Variants in PEPD observed in about 807,000 individuals in gnomAD.
PEPD encodes the protein peptidase D.
In PEPD, 53 loss-of-function variants were observed where a neutral mutation model predicts 60.7. That is an observed-to-expected ratio of 0.87 (90% CI 0.70 to 1.10). PEPD has a LOEUF of 1.10. PEPD is among the 50% of genes least tolerant of loss of function. PEPD has a pLI of 0.00. For synonymous variants in PEPD, 267 were observed against 284.1 expected, an observed-to-expected ratio of 0.94 and a Z score of 0.60; for missense variants, 711 against 711.9, an observed-to-expected ratio of 1.00 and a Z score of 0.01.
chr19:33,519,895 A>G (rs1971099391), intron 1 of PEPD, among the ~76,000 whole-genome samples: 1 of 152,010 alleles, frequency 6.6e-6, no homozygotes, highest in South Asian at 2.1e-4. Flanking sequence ...GTGAAACCCC[A>G]TCTCCACTAA....
intron 1 of PEPD, among the ~76,000 whole-genome samples, chr19:33,515,205 G>A (rs1405413122): frequency 6.6e-6 from 1 of 152,170 alleles, no homozygotes; most frequent in African/African-American, 2.4e-5. Context: ...CACAGCTGTG[G>A]GATGAGAAGA....
At chr19:33,476,673 AT>A (rs930657873) in intron 7 of PEPD, among the ~76,000 whole-genome samples, 1 of 151,494 alleles carries the variant, frequency 6.6e-6, no homozygotes, top group African/African-American at 2.4e-5. Context: ...TTTTTATTTT[AT>A]TTTTTTTGAG....
chr19:33,498,943 C>T (rs1312245992), intron 4 of PEPD, among the ~76,000 whole-genome samples: 3 of 152,174 alleles, frequency 2.0e-5, no homozygotes, highest in Non-Finnish European at 4.4e-5. Flanking sequence ...CCAGGTTTCA[C>T]ATCGAAGAGA....
chr19:33,485,506 A>C (rs951035409), intron 6 of PEPD, among the ~76,000 whole-genome samples: 4 of 151,836 alleles, frequency 2.6e-5, no homozygotes, highest in Admixed American at 2.0e-4. Context: ...AAAAAAAAAA[A>C]AAAGAAGCCA....
At chr19:33,513,015 G>A (rs1387947448) in intron 1 of PEPD, among the ~76,000 whole-genome samples, 1 of 144,508 alleles carries the variant, frequency 6.9e-6, no homozygotes, top group Non-Finnish European at 1.5e-5. Context: ...CCACCCCCCT[G>A]CTCCTCTGCC....
chr19:33,399,903 C>G (rs1260315016), intron 12 of PEPD, among the ~76,000 whole-genome samples: 1 of 152,134 alleles, frequency 6.6e-6, no homozygotes, highest in Non-Finnish European at 1.5e-5. Flanking sequence ...GAAGTGGACT[C>G]TGCCTTGGGA....
At chr19:33,506,006 C>A (rs996974505) in intron 3 of PEPD, among the ~76,000 whole-genome samples, 2 of 145,944 alleles carry the variant, frequency 1.4e-5, no homozygotes, top group Non-Finnish European at 3.0e-5. Flanking sequence ...CACTCACACA[C>A]CCTCATCATA....
At chr19:33,406,376 G>A (rs974913997) in intron 11 of PEPD, among the ~76,000 whole-genome samples, 4 of 152,238 alleles carry the variant, frequency 2.6e-5, no homozygotes, top group African/African-American at 7.2e-5. Context: ...GTATGAGGAC[G>A]GGTGAGAATG....
intron 6 of PEPD, among the ~76,000 whole-genome samples, chr19:33,478,853 G>A (rs1970267087): frequency 6.6e-6 from 1 of 152,196 alleles, no homozygotes; most frequent in Non-Finnish European, 1.5e-5. Context: ...AAAAGGTACT[G>A]CAGAGTAACC....
At chr19:33,393,802 T>G (rs1417852479) in intron 12 of PEPD, among the ~76,000 whole-genome samples, 2 of 152,184 alleles carry the variant, frequency 1.3e-5, no homozygotes, top group African/African-American at 2.4e-5. Flanking sequence ...ACCTCGCCCT[T>G]CCTCTCTGCT....
rs549698319 is a variant in PEPD at position 33,500,244 on chromosome 19, G to A, written c.393+694C>T. Among the ~76,000 whole-genome samples the A allele has an allele frequency of 9.2e-5, 14 of 152,360 alleles. 1 individual carries two copies. The South Asian group carries it at 2.7e-3, about 29-fold the overall frequency. ...CAGGGCCAGAGCACAGAGGCCTCCTGTGTGCCAGGCAGTGGTTTAGTGTCA... is the reference window on the plus strand; with the variant it reads ...CAGGGCCAGAGCACAGAGGCCTCCTATGTGCCAGGCAGTGGTTTAGTGTCA... On this transcript the variant is annotated intron_variant, in intron 4 of 14. Coordinates refer to ENST00000244137, the MANE Select transcript of PEPD (RefSeq NM_000285.4).
chr19:33,518,497 T>G (rs1331933087), intron 1 of PEPD, among the ~76,000 whole-genome samples: 1 of 152,146 alleles, frequency 6.6e-6, no homozygotes, highest in Non-Finnish European at 1.5e-5. Flanking sequence ...CCAGGGCAGT[T>G]CACCTTTGCC....
chr19:33,471,313 G>A (rs1234015478), intron 7 of PEPD, among the ~76,000 whole-genome samples: 1 of 152,178 alleles, frequency 6.6e-6, no homozygotes, highest in African/African-American at 2.4e-5. Context: ...AGGCATAGAG[G>A]GATGCACCCC....
At chr19:33,443,851 C>A (rs1411379968) in intron 9 of PEPD, among the ~76,000 whole-genome samples, 1 of 139,490 alleles carries the variant, frequency 7.2e-6, no homozygotes, top group African/African-American at 2.7e-5. Flanking sequence ...AATGGGTGTA[C>A]ATATCACACA....
intron 7 of PEPD, among the ~76,000 whole-genome samples, chr19:33,471,912 G>A (rs539654848): frequency 1.6e-4 from 25 of 152,120 alleles, no homozygotes; most frequent in African/African-American, 4.3e-4. Context: ...CTGTAATCCC[G>A]GCACTTTGGG....
chr19:33,392,894 T>C (rs1817741957), intron 12 of PEPD, among the ~76,000 whole-genome samples: 2 of 145,270 alleles, frequency 1.4e-5, no homozygotes, highest in Non-Finnish European at 3.0e-5. Context: ...TGGGCACAAG[T>C]CCTTCATGTT....
intron 6 of PEPD, among the ~76,000 whole-genome samples, chr19:33,480,080 T>C (rs867925893): frequency 6.6e-6 from 1 of 152,210 alleles, no homozygotes; most frequent in Admixed American, 6.5e-5. Flanking sequence ...CCAGCATCTG[T>C]TACTTTTTGA....
At chr19:33,389,954 C>G (rs1293012085) in intron 13 of PEPD, among the ~76,000 whole-genome samples, 1 of 152,214 alleles carries the variant, frequency 6.6e-6, no homozygotes, top group Non-Finnish European at 1.5e-5. Flanking sequence ...AGGGCACGAG[C>G]CCCTGTGGCC....
At chr19:33,428,547 G>A (rs1969201260) in intron 9 of PEPD, among the ~76,000 whole-genome samples, 2 of 152,118 alleles carry the variant, frequency 1.3e-5, no homozygotes, top group South Asian at 4.1e-4. Flanking sequence ...TCCACCTCCT[G>A]CTCACCGCCA....
Sources: allele counts gnomAD v4.1 joint callset (sites outside exome capture counted in the v4.1 genomes callset), GRCh38; gene constraint gnomAD v4.1.1; transcripts MANE v1.5; gene names NCBI Gene and HGNC (gene_info 2026-07-23, HGNC 2026-07-21).